PARVB: variants seen among roughly 807,000 people sequenced by gnomAD.
The protein encoded by PARVB is parvin beta.
PARVB carries 46 observed loss-of-function variants against 47.0 expected under a neutral mutation model. That is an observed-to-expected ratio of 0.98 (90% CI 0.77 to 1.25). The LOEUF (loss-of-function observed/expected upper bound fraction) is 1.25. Ranked by LOEUF, PARVB falls within the 50% of genes most tolerant of loss-of-function variation. The pLI is 0.00. For synonymous variants in PARVB, 196 were observed against 196.3 expected (o/e 1.00, Z 0.01); for missense variants, 473 against 471.6 (o/e 1.00, Z -0.03).
intron 9 of PARVB, chr22:44,149,716 C>G (rs1003980031): frequency 5.2e-5 from 8 of 152,426 alleles, no homozygotes; most frequent in Admixed American, 2.6e-4. Flanking sequence ...CTCCGTCCCA[C>G]CACTACACGC....
intron 3 of PARVB, among the ~76,000 whole-genome samples, chr22:44,118,362 A>G (rs1569667): frequency 0.37 from 55,578 of 152,140 alleles, 10,366 homozygotes; most frequent in Middle Eastern, 0.5. Flanking sequence ...AAATCCGTGG[A>G]GAGGGGAAGT....
chr22:44,083,687 C>T (rs547700509), intron 1 of PARVB, among the ~76,000 whole-genome samples: 3 of 152,100 alleles, frequency 2.0e-5, no homozygotes, highest in South Asian at 2.1e-4. Flanking sequence ...CCTCATCAGA[C>T]GATGAGTGTG....
intron 1 of PARVB, among the ~76,000 whole-genome samples, chr22:44,090,779 G>A (rs924295018): frequency 6.6e-6 from 1 of 152,202 alleles, no homozygotes; most frequent in Non-Finnish European, 1.5e-5. Flanking sequence ...TGTGCTGGAC[G>A]GGACCTCCCT....
chr22:44,053,362 A>G (rs1398548563), intron 1 of PARVB, among the ~76,000 whole-genome samples: 1 of 152,100 alleles, frequency 6.6e-6, no homozygotes, highest in East Asian at 1.9e-4. Flanking sequence ...GATTACAGGC[A>G]TGAGCCACCG....
rs1601623614 is a variant in PARVB at position 44,114,504 on chromosome 22, G to T, written c.274-4534G>T. On this transcript the variant is annotated intron_variant, in intron 3 of 12. Coordinates refer to ENST00000338758, the MANE Select transcript of PARVB (RefSeq NM_013327.5). Reference sequence around the variant, plus strand: ...GGCCCTGCACCAGCACAGATATATTGTTACTAAGGCCCTGTACCAACACAG... The same window carrying T: ...GGCCCTGCACCAGCACAGATATATTTTTACTAAGGCCCTGTACCAACACAG... 4.7e-5 allele frequency: 3 copies of T among 64,498 alleles called. 1 individual carries two copies. The allele number at this position is 64,498 out of a possible 1,614,324, so 4.0% of individuals were successfully genotyped here. A position where few individuals can be genotyped will look rare whatever the true frequency, so the allele number is the denominator to read the frequency against.
chr22:44,022,438 A>T (rs1276157156), upstream of PARVB, among the ~76,000 whole-genome samples: 1 of 151,976 alleles, frequency 6.6e-6, no homozygotes, highest in African/African-American at 2.4e-5. Context: ...TGGCCACGCT[A>T]CACGGCCACT....
chr22:44,125,225 C>T lies in PARVB; in HGVS notation c.376+6085C>T, dbSNP rs2053161502. Among the ~76,000 whole-genome samples, 1 of 152,138 alleles carries T rather than the reference C, an allele frequency of 6.6e-6. No individual in the cohort carries two copies. On this transcript the variant is annotated intron_variant, in intron 4 of 12. Transcript: ENST00000338758. This position sits in a 1 kb window ranked among gnomAD's most constrained non-coding sequence, Gnocchi z 4.1. ...TGTTTTGGTCACACATTCATTCATT[C>T]ATCTGATGAATGAATGTTCATTGGC...
intron 1 of PARVB, among the ~76,000 whole-genome samples, chr22:44,076,481 G>C (rs1335908083): frequency 6.6e-6 from 1 of 152,178 alleles, no homozygotes; most frequent in Non-Finnish European, 1.5e-5. Context: ...GCAGCCCAGG[G>C]GTTCTGGTAA....
intron 2 of PARVB, among the ~76,000 whole-genome samples, chr22:44,008,920 C>T (rs374784572): frequency 6.6e-6 from 1 of 152,056 alleles, no homozygotes; most frequent in African/African-American, 2.4e-5. Context: ...ACCCGGGAGG[C>T]AGAGCTTGCA....
Position 44,158,075 on chromosome 22 carries a change from G to C in PARVB, c.937G>C (p.Asp313His). The change falls in exon 11 of 13, where the codon GAT (aspartate) becomes CAT (histidine). Residue 313 changes from aspartate to histidine, a missense_variant. By Grantham distance (81) the Asp-to-His change is moderately conservative (BLOSUM62 -1). Transcript: ENST00000338758. ...CTTCTACCTGACTCCGGAAAGCTTC[G>C]ATCAGAAGGTATGTGCATGGTCTCC... ...HHFYLTPESF[D>H]QKVHNVSFAF... is the part of the protein sequence containing the mutation. 1 of 1,610,208 alleles carries C rather than the reference G, an allele frequency of 6.2e-7. No individual in the cohort carries two copies. Among genetic ancestry groups the C allele is most frequent in the South Asian group, 1.1e-5 (1 of 90,980 alleles).
chr22:44,047,060 G>C (rs546061457), intron 1 of PARVB, among the ~76,000 whole-genome samples: 1 of 152,204 alleles, frequency 6.6e-6, no homozygotes, highest in Non-Finnish European at 1.5e-5. Flanking sequence ...GAGCCACCAG[G>C]CCTATCCATG....
At position 44,037,436 on chromosome 22, in the gene PARVB, C is replaced by G. The variant is rs372100927; in HGVS notation, c.112+12985C>G. Reference sequence around the variant, plus strand: ...AGACCCTGTCTCAAAAAAACAAAAACAAAAACAAATCAGAATGGAGCTTAT... The same window carrying G: ...AGACCCTGTCTCAAAAAAACAAAAAGAAAAACAAATCAGAATGGAGCTTAT... On this transcript the variant is annotated intron_variant, in intron 1 of 12. Transcript: ENST00000338758. 2.0e-5 allele frequency among the ~76,000 whole-genome samples: 3 copies of G among 152,084 alleles called. No homozygotes were observed. The South Asian group carries it at 6.2e-4, about 32-fold the overall frequency.
intron 1 of PARVB, among the ~76,000 whole-genome samples, chr22:44,090,580 T>C (rs2052142122): frequency 6.6e-6 from 1 of 152,234 alleles, no homozygotes; most frequent in Non-Finnish European, 1.5e-5. Flanking sequence ...CAGGGCTGCC[T>C]CGAAGCGTTG....
At chr22:44,151,354 T>C (rs1601687964) in intron 9 of PARVB, 129 bp from the exon 10 acceptor site, 2 of 697,578 alleles carry the variant, frequency 2.9e-6, no homozygotes, top group East Asian at 5.1e-5. Flanking sequence ...ATGGGCTTTT[T>C]ATTTTAGCAA....
In PARVB at chr22:44,093,924, A is replaced by G; in HGVS notation, c.113-4A>G. ...CCTGGTTTTTCTTTCCTTTTGCTCAACAGTGAGTGACCTGCAGGAAGAAGG... is the reference window on the plus strand; with the variant it reads ...CCTGGTTTTTCTTTCCTTTTGCTCAGCAGTGAGTGACCTGCAGGAAGAAGG... On this transcript the variant is annotated splice_region_variant and splice_polypyrimidine_tract_variant and intron_variant, in intron 1 of 12. Transcript: ENST00000338758. 6.2e-7 allele frequency: 1 copy of G among 1,610,052 alleles called. No individual in the cohort carries two copies. The highest frequency in any genetic ancestry group is 1.7e-5 in the Admixed American group (1 of 59,860).
At chr22:44,067,238 G>A (rs560169438) in intron 1 of PARVB, among the ~76,000 whole-genome samples, 3 of 152,214 alleles carry the variant, frequency 2.0e-5, no homozygotes, top group South Asian at 2.1e-4. Context: ...GGAGGCAGTC[G>A]ATGCATACAG....
chr22:44,074,639 A>T (rs2051726952), intron 1 of PARVB, among the ~76,000 whole-genome samples: 1 of 152,150 alleles, frequency 6.6e-6, no homozygotes, highest in Non-Finnish European at 1.5e-5. Context: ...TTAGTAGAGG[A>T]GGAGCCCCAC....
At chr22:44,015,029 T>A (rs2050561273) in intron 2 of PARVB, among the ~76,000 whole-genome samples, 1 of 152,072 alleles carries the variant, frequency 6.6e-6, no homozygotes, top group African/African-American at 2.4e-5. Flanking sequence ...TTTTGTATTT[T>A]TAGTAGAGAT....
intron 6 of PARVB, among the ~76,000 whole-genome samples, 187 bp from the exon 7 acceptor site, chr22:44,136,273 G>T (rs542285662): frequency 1.3e-5 from 2 of 152,204 alleles, no homozygotes; most frequent in East Asian, 1.9e-4. Flanking sequence ...TCGCTGAAAG[G>T]CACCCTGCCC....
Sources: gnomAD v4.1 joint callset for allele counts (sites outside exome capture counted in the v4.1 genomes callset) on GRCh38, gnomAD v4.1.1 for gene constraint, Gnocchi (gnomAD v3.1) non-coding constraint, MANE v1.5 for transcripts, NCBI Gene and HGNC (gene_info 2026-07-23, HGNC 2026-07-21) for gene names.